Variants in CDH10 observed in about 807,000 individuals in gnomAD.
CDH10 encodes cadherin 10.
A neutral mutation model predicts 73.1 loss-of-function variants in CDH10; 30 were observed. That is an observed-to-expected ratio of 0.41 (90% CI 0.31 to 0.56). CDH10 has a LOEUF of 0.56. Among genes scored for constraint, CDH10 ranks in the 20% least tolerant of loss-of-function variants. The probability of loss-of-function intolerance (pLI) is 0.27; values close to 1 mark genes in which losing one functional copy is unlikely to be tolerated. For missense variants in CDH10, 815 were observed against 973.7 expected (o/e 0.84, Z 2.17); for synonymous variants, 345 against 348.2 (o/e 0.99, Z 0.10).
intron 2 of CDH10, among the ~76,000 whole-genome samples, chr5:24,563,010 G>T (rs183726043): frequency 6.6e-6 from 1 of 152,242 alleles, no homozygotes; most frequent in East Asian, 1.9e-4. Flanking sequence ...CATTGCTAAT[G>T]TAATATTAAT....
intron 5 of CDH10, among the ~76,000 whole-genome samples, chr5:24,518,219 C>T (rs1267712511): frequency 1.3e-5 from 2 of 151,970 alleles, no homozygotes; most frequent in African/African-American, 2.4e-5. Flanking sequence ...AAGTGAGGCA[C>T]GTTAATATCT....
intron 5 of CDH10, among the ~76,000 whole-genome samples, chr5:24,516,423 C>G (rs6864554): frequency 6.6e-6 from 1 of 151,426 alleles, no homozygotes; most frequent in Non-Finnish European, 1.5e-5. Context: ...TAGCATCAAT[C>G]AGTGATCTTA....
At chr5:24,540,968 T>C (rs1388467149) in intron 2 of CDH10, among the ~76,000 whole-genome samples, 2 of 152,034 alleles carry the variant, frequency 1.3e-5, no homozygotes, top group African/African-American at 2.4e-5. Flanking sequence ...CATGTAAAAA[T>C]GTTTATTGGT....
chr5:24,596,584 T>A (rs1422621610), intron 1 of CDH10, among the ~76,000 whole-genome samples: 1 of 151,994 alleles, frequency 6.6e-6, no homozygotes, highest in African/African-American at 2.4e-5. Flanking sequence ...ACTGGGAAGA[T>A]TAACATCAAA....
Position 24,644,606 on chromosome 5 carries a change from C to A in CDH10, c.-136G>T, listed in dbSNP as rs1748156248. 6.6e-6 allele frequency: 1 copy of A among 151,630 alleles called. No individual in the cohort carries two copies. Among genetic ancestry groups the A allele is most frequent in the Non-Finnish European group, 1.5e-5 (1 of 67,952 alleles). 9.4% of individuals were successfully genotyped at this position (151,630 alleles called of 1,614,324 possible). On this transcript the variant is annotated 5_prime_UTR_variant, in exon 1 of 12. Coordinates refer to ENST00000264463, the MANE Select transcript of CDH10 (RefSeq NM_006727.5). ...GAAGTCTTCCTACCTTTTTTATCAG[C>A]TTCTGGATAATGGAAGTTGGTTCCA...
intron 2 of CDH10, among the ~76,000 whole-genome samples, chr5:24,553,778 C>T (rs980720764): frequency 6.6e-6 from 1 of 152,018 alleles, no homozygotes; most frequent in African/African-American, 2.4e-5. Flanking sequence ...GAACCTAATT[C>T]CTCTTCCCTT....
intron 2 of CDH10, among the ~76,000 whole-genome samples, chr5:24,549,502 T>C (rs1284752809): frequency 6.6e-6 from 1 of 150,916 alleles, no homozygotes; most frequent in Admixed American, 6.6e-5. Flanking sequence ...AAGTGGGTAA[T>C]AGTTCGTGTT....
chr5:24,504,295 C>A (rs1208978597), intron 8 of CDH10, among the ~76,000 whole-genome samples: 1 of 151,818 alleles, frequency 6.6e-6, no homozygotes, highest in Non-Finnish European at 1.5e-5. Flanking sequence ...GGAAGTGAGG[C>A]CAAGAAAATT....
chr5:24,632,826 C>G (rs2112200494), intron 1 of CDH10, among the ~76,000 whole-genome samples: 1 of 151,864 alleles, frequency 6.6e-6, no homozygotes. Context: ...CACATGGTAT[C>G]CTGTAATTGT....
intron 9 of CDH10, among the ~76,000 whole-genome samples, chr5:24,496,626 G>C (rs1009718438): frequency 6.6e-6 from 1 of 152,166 alleles, no homozygotes; most frequent in African/African-American, 2.4e-5. Context: ...TGTTCTAAGT[G>C]CTACTCTTAA....
chr5:24,557,784 G>A (rs1456762223), intron 2 of CDH10, among the ~76,000 whole-genome samples: 1 of 151,756 alleles, frequency 6.6e-6, no homozygotes, highest in Non-Finnish European at 1.5e-5. Context: ...CCTCCCTGCT[G>A]AATCTAACAA....
chr5:24,545,984 A>G (rs1264001003), intron 2 of CDH10, among the ~76,000 whole-genome samples: 2 of 152,164 alleles, frequency 1.3e-5, no homozygotes, highest in Non-Finnish European at 1.5e-5. Flanking sequence ...TTTATTTTTC[A>G]GAAGGTATAG....
intron 1 of CDH10, among the ~76,000 whole-genome samples, chr5:24,609,370 T>A (rs1746867951): frequency 6.6e-6 from 1 of 152,106 alleles, no homozygotes; most frequent in South Asian, 2.1e-4. Context: ...AAGAAATGGT[T>A]GATGAAACTG....
intron 2 of CDH10, among the ~76,000 whole-genome samples, chr5:24,584,387 C>G (rs552421126): frequency 6.9e-6 from 1 of 143,898 alleles, no homozygotes; most frequent in Non-Finnish European, 1.5e-5. Context: ...TATTTAATTA[C>G]AATTTTTAAC....
intron 5 of CDH10, among the ~76,000 whole-genome samples, chr5:24,518,005 C>T (rs1743174325): frequency 6.6e-6 from 1 of 152,128 alleles, no homozygotes; most frequent in African/African-American, 2.4e-5. Flanking sequence ...TCTATTTTTA[C>T]AGACACAGAC....
In CDH10 at chr5:24,487,846, G is replaced by T. The variant is rs760251937; in HGVS notation, c.2184C>A (p.Pro728=). 1 of 1,613,736 alleles carries T rather than the reference G, an allele frequency of 6.2e-7. No individual in the cohort carries two copies. Among genetic ancestry groups the T allele is most frequent in the Non-Finnish European group, 8.5e-7 (1 of 1,179,904 alleles). ...LKEHDLDPTA[P]PYDSLATYAY... is the part of the protein sequence containing the mutation. ...CATAGGTTGCAAGTGAGTCGTAGGG[G>T]GGTGCGGTGGGGTCAAGATCATGCT... Residue 728 remains proline (P), a synonymous_variant, in exon 12 of 12, where the codon CCC becomes CCA. Coordinates refer to ENST00000264463, the MANE Select transcript of CDH10 (RefSeq NM_006727.5).
chr5:24,490,078 A>G (rs564360985), intron 11 of CDH10, among the ~76,000 whole-genome samples: 1 of 152,256 alleles, frequency 6.6e-6, no homozygotes, highest in East Asian at 1.9e-4. Context: ...CAAAGTGCCA[A>G]TGAGAGTCTG....
chr5:24,556,514 T>C (rs1744775263), intron 2 of CDH10, among the ~76,000 whole-genome samples: 1 of 151,880 alleles, frequency 6.6e-6, no homozygotes, highest in Non-Finnish European at 1.5e-5. Context: ...TAAACATTTT[T>C]TACCAGTTAT....
intron 2 of CDH10, among the ~76,000 whole-genome samples, chr5:24,561,673 T>A (rs1003664280): frequency 5.3e-5 from 8 of 152,096 alleles, no homozygotes; most frequent in African/African-American, 1.9e-4. Flanking sequence ...CACGTTAAGA[T>A]TAAATGCAGA....
Sources: gnomAD v4.1 joint callset for allele counts (sites outside exome capture counted in the v4.1 genomes callset) on GRCh38, gnomAD v4.1.1 for gene constraint, MANE v1.5 for transcripts, NCBI Gene and HGNC (gene_info 2026-07-23, HGNC 2026-07-21) for gene names.